ADAMTS6: variants seen among roughly 807,000 people sequenced by gnomAD.
The protein encoded by ADAMTS6 is ADAM metallopeptidase with thrombospondin type 1 motif 6.
ADAMTS6 carries 23 observed loss-of-function variants against 144.3 expected under a neutral mutation model. The observed-to-expected ratio is 0.16, with a 90% confidence interval of 0.11 to 0.23. The LOEUF (loss-of-function observed/expected upper bound fraction) is 0.23. Ranked by LOEUF, ADAMTS6 falls within the 10% of genes least tolerant of loss-of-function variation. The probability of loss-of-function intolerance (pLI) is 1.00; values close to 1 mark genes in which losing one functional copy is unlikely to be tolerated. For synonymous variants in ADAMTS6, 444 were observed against 457.5 expected, an observed-to-expected ratio of 0.97 and a Z score of 0.38; for missense variants, 999 against 1,379.6, an observed-to-expected ratio of 0.72 and a Z score of 4.37.
intron 7 of ADAMTS6, among the ~76,000 whole-genome samples, chr5:65,340,986 T>C (rs909330313): frequency 7.9e-5 from 12 of 151,956 alleles, no homozygotes; most frequent in Non-Finnish European, 1.2e-4. Flanking sequence ...TGCAATAATA[T>C]GTCACTCTCA....
chr5:65,290,684 C>T (rs116770319), intron 11 of ADAMTS6, among the ~76,000 whole-genome samples: 2,471 of 152,204 alleles, frequency 0.016, 67 homozygotes, highest in African/African-American at 0.056. Flanking sequence ...TTAATAAGAA[C>T]ATGTCCACTA....
chr5:65,321,625 C>T (rs570531422), intron 9 of ADAMTS6, among the ~76,000 whole-genome samples: 2 of 151,418 alleles, frequency 1.3e-5, no homozygotes, highest in South Asian at 2.1e-4. Flanking sequence ...ATGTCTATGT[C>T]CTGAATTGTA....
In ADAMTS6 at chr5:65,214,680, C is replaced by G; in HGVS notation, c.2575+114G>C. 6.7e-7 allele frequency: 1 copy of G among 1,501,194 alleles called. No homozygotes were observed. Among genetic ancestry groups the G allele is most frequent in the Non-Finnish European group, 9.2e-7 (1 of 1,088,366 alleles). 93.0% of individuals were successfully genotyped at this position (1,501,194 alleles called of 1,614,324 possible). On this transcript the variant is annotated intron_variant, in intron 20 of 24. Transcript: ENST00000381055. This position sits in a 1 kb window ranked among gnomAD's most constrained non-coding sequence, Gnocchi z 4.6. ...TCTTTTGCTAAATTACAGCTTGAAG[C>G]AAACCTGCAAGAAATGTTTCCAATT...
chr5:65,357,411 A>C (rs1749420808), intron 7 of ADAMTS6, among the ~76,000 whole-genome samples: 2 of 151,718 alleles, frequency 1.3e-5, no homozygotes, highest in Non-Finnish European at 3.0e-5. Flanking sequence ...ATTAAGAATA[A>C]AGAAAAATGT....
chr5:65,446,970 C>G (rs2150241801), intron 7 of ADAMTS6, among the ~76,000 whole-genome samples: 1 of 152,146 alleles, frequency 6.6e-6, no homozygotes, highest in South Asian at 2.1e-4. Flanking sequence ...TGAATTATAT[C>G]TCAATAAAGC....
intron 7 of ADAMTS6, among the ~76,000 whole-genome samples, chr5:65,368,338 T>C (rs1314207031): frequency 6.6e-6 from 1 of 152,232 alleles, no homozygotes; most frequent in Non-Finnish European, 1.5e-5. Flanking sequence ...ACCAACTCAA[T>C]TGGCCTACAA....
At chr5:65,390,533 T>C (rs1395304656) in intron 7 of ADAMTS6, among the ~76,000 whole-genome samples, 2 of 152,232 alleles carry the variant, frequency 1.3e-5, no homozygotes, top group Non-Finnish European at 2.9e-5. Context: ...AGTAACAGCA[T>C]AAATTCAGTC....
rs527671417 is a variant in ADAMTS6, at chr5:65,438,396, C to T, written c.1073+13079G>A. On this transcript the variant is annotated intron_variant, in intron 7 of 24. Coordinates refer to ENST00000381055, the MANE Select transcript of ADAMTS6 (RefSeq NM_197941.4). ...ACAAAAAATTAGCCAGCCGTGGTGTCGGGTGCCTGTAATCCCAGCTACTTG... is the reference window on the plus strand; with the variant it reads ...ACAAAAAATTAGCCAGCCGTGGTGTTGGGTGCCTGTAATCCCAGCTACTTG... 1.5e-3 allele frequency among the ~76,000 whole-genome samples: 233 copies of T among 152,188 alleles called. 2 individuals carry two copies. Among genetic ancestry groups the T allele is most frequent in the Middle Eastern group, 0.014 (4 of 294 alleles).
intron 22 of ADAMTS6, among the ~76,000 whole-genome samples, chr5:65,181,551 A>T (rs1754354583): frequency 6.6e-6 from 1 of 152,244 alleles, no homozygotes; most frequent in Non-Finnish European, 1.5e-5. Context: ...AAGAGACTTC[A>T]TTAAGGATAA....
rs1422555422 is a variant in ADAMTS6 at position 65,368,884 on chromosome 5, G to A, written c.1074-34799C>T. Among the ~76,000 whole-genome samples, 7 of 152,064 alleles carry A rather than the reference G, an allele frequency of 4.6e-5. No homozygotes were observed. The East Asian group carries it at 5.8e-4, about 13-fold the overall frequency. On this transcript the variant is annotated intron_variant, in intron 7 of 24. Transcript: ENST00000381055. The stretch of plus-strand genomic sequence containing the variant: ...AGTCTGGCCAACATGGTGAAACCCC[G>A]TCTATACTAAAAAATACAAAAATTA...
At chr5:65,478,898 A>C (rs1469373621) in intron 1 of ADAMTS6, among the ~76,000 whole-genome samples, 1 of 152,238 alleles carries the variant, frequency 6.6e-6, no homozygotes, top group Non-Finnish European at 1.5e-5. Flanking sequence ...ACTACCTAAG[A>C]AGAAAAATGA....
chr5:65,196,917 A>G, intron 21 of ADAMTS6, 105 bp downstream of exon 21: 4 of 1,357,484 alleles, frequency 2.9e-6, no homozygotes, highest in Non-Finnish European at 3.9e-6. Flanking sequence ...ACCTTTTTTC[A>G]GCCTAATTTA....
At chr5:65,436,484 G>A (rs1757415623) in intron 7 of ADAMTS6, among the ~76,000 whole-genome samples, 2 of 152,048 alleles carry the variant, frequency 1.3e-5, no homozygotes, top group Admixed American at 1.3e-4. Context: ...CCACCTCAAA[G>A]CCAGGCTTCA....
At chr5:65,386,964 A>G (rs1752524807) in intron 7 of ADAMTS6, among the ~76,000 whole-genome samples, 1 of 152,242 alleles carries the variant, frequency 6.6e-6, no homozygotes, top group Admixed American at 6.5e-5. Flanking sequence ...CAAAATGATT[A>G]TTGAAAAACA....
At chr5:65,403,761 A>C (rs983737163) in intron 7 of ADAMTS6, among the ~76,000 whole-genome samples, 6 of 152,124 alleles carry the variant, frequency 3.9e-5, no homozygotes, top group African/African-American at 1.2e-4. Context: ...TCCCACACAC[A>C]TATACAAATA....
chr5:65,196,522 C>CAAAAAAAAAAAAAAAAAAAAAAA (rs533444182), intron 21 of ADAMTS6, among the ~76,000 whole-genome samples: 1 of 38,036 alleles, frequency 2.6e-5, no homozygotes, highest in Non-Finnish European at 5.2e-5. Flanking sequence ...GACTCCGTCT[C>CAAAAAAAAAAAAAAAAAAAAAAA]AAAAAAAAAA....
intron 21 of ADAMTS6, among the ~76,000 whole-genome samples, chr5:65,188,514 T>G (rs1754808671): frequency 6.6e-6 from 1 of 152,184 alleles, no homozygotes; most frequent in South Asian, 2.1e-4. Flanking sequence ...ATGATCAATC[T>G]CATAAAAAAT....
intron 24 of ADAMTS6, among the ~76,000 whole-genome samples, chr5:65,153,721 G>T (rs187713481): frequency 5.1e-4 from 78 of 152,272 alleles, no homozygotes; most frequent in African/African-American, 1.2e-3. Context: ...AAACAAAGTG[G>T]AGTATTTCCT....
intron 13 of ADAMTS6, among the ~76,000 whole-genome samples, chr5:65,262,492 G>A (rs1761284177): frequency 1.3e-5 from 2 of 152,132 alleles, no homozygotes; most frequent in African/African-American, 4.8e-5. Flanking sequence ...ATGTAGCTAA[G>A]ACCAGATCTG....
Sources: allele counts gnomAD v4.1 joint callset (sites outside exome capture counted in the v4.1 genomes callset), GRCh38; gene constraint gnomAD v4.1.1; non-coding constraint Gnocchi (gnomAD v3.1); transcripts MANE v1.5; gene names NCBI Gene and HGNC (gene_info 2026-07-23, HGNC 2026-07-21).